ELFN2: variants seen among roughly 807,000 people sequenced by gnomAD.
The protein encoded by ELFN2 is protein phosphatase 1 regulatory subunit 29.
ELFN2 carries 17 observed loss-of-function variants against 45.5 expected under a neutral mutation model. The observed-to-expected ratio is 0.37, with a 90% CI of 0.26 to 0.56. The LOEUF is 0.56. Among genes scored for constraint, ELFN2 ranks in the 20% least tolerant of loss-of-function variants. The pLI, the probability that ELFN2 is intolerant of heterozygous loss-of-function variation, is 0.77. For synonymous variants in ELFN2, 550 were observed against 551.5 expected (o/e 1.00, Z 0.04); for missense variants, 922 against 1,183.2 (o/e 0.78, Z 3.24).
intron 2 of ELFN2, among the ~76,000 whole-genome samples, chr22:37,384,615 C>A (rs55867912): frequency 0.19 from 16,611 of 87,428 alleles, 2,646 homozygotes; most frequent in South Asian, 0.26. Flanking sequence ...CCTGCCTCCC[C>A]CACCTGACCC....
Position 37,375,090 on chromosome 22 carries a change from C to A in ELFN2, c.445G>T (p.Glu149Ter). The A allele has an allele frequency of 6.2e-7, 1 of 1,613,596 alleles. No homozygotes were observed. Among genetic ancestry groups the A allele is most frequent in the Non-Finnish European group, 8.5e-7 (1 of 1,179,996 alleles). ...IEVVTPTAFS[E>*]CPSLISIDLS... ...TCGATGCTGATGAGGCTCGGGCACT[C>A]GGAGAAGGCGGTGGGCGTCACCACC... Residue 149 changes from glutamate to a stop codon, truncating the protein, a stop_gained, in exon 3 of 3, where the codon GAG (glutamate) becomes TAG (stop). Coordinates refer to ENST00000402918, the MANE Select transcript of ELFN2 (RefSeq NM_052906.5). LOFTEE classifies it high-confidence loss of function.
At chr22:37,397,206 G>T (rs1235880810) in intron 2 of ELFN2, among the ~76,000 whole-genome samples, 1 of 152,140 alleles carries the variant, frequency 6.6e-6, no homozygotes, top group Non-Finnish European at 1.5e-5. Context: ...CCCACTGAAG[G>T]GTCACTGTGT....
At chr22:37,352,295 G>A (rs1314665550) in intron 1 of ELFN2, 1 of 151,022 alleles carries the variant, frequency 6.6e-6, no homozygotes, top group Non-Finnish European at 1.5e-5. Context: ...CCCAGAGGGT[G>A]GAGCCTGTGC....
rs140462497 is a variant in ELFN2, at chr22:37,400,585, G to A, written c.-463+17184C>T. Among the ~76,000 whole-genome samples the A allele has an allele frequency of 4.7e-4, 72 of 152,314 alleles. 1 individual carries two copies. The East Asian group carries it at 0.011, about 24-fold the overall frequency. The stretch of plus-strand genomic sequence containing the variant: ...AGATGGGAGCCTGAGGCCTGCAGGG[G>A]TGCCAGGACTCCCCAAGGCCCCCTC... On this transcript the variant is annotated intron_variant, in intron 2 of 2. Coordinates refer to ENST00000402918, the MANE Select transcript of ELFN2 (RefSeq NM_052906.5).
At chr22:37,360,978 G>A (rs575081244) in intron 1 of ELFN2, among the ~76,000 whole-genome samples, 1 of 152,256 alleles carries the variant, frequency 6.6e-6, no homozygotes, top group African/African-American at 2.4e-5. Flanking sequence ...AGCAGGGACT[G>A]AGCCACTCGA....
At chr22:37,399,848 T>C (rs1932319708) in intron 2 of ELFN2, among the ~76,000 whole-genome samples, 3 of 152,180 alleles carry the variant, frequency 2.0e-5, no homozygotes, top group South Asian at 2.1e-4. Context: ...CTCCCCGCCA[T>C]GGCCGCCTTG....
In ELFN2 at chr22:37,400,216, C is replaced by G. The variant is rs548363830; in HGVS notation, c.-463+17553G>C. 7.9e-5 allele frequency among the ~76,000 whole-genome samples: 12 copies of G among 152,306 alleles called. No homozygotes were observed. In the East Asian group the frequency reaches 2.1e-3, roughly 27 times the overall value. On this transcript the variant is annotated intron_variant, in intron 2 of 2. Transcript: ENST00000402918. ...CCACTCAGAGATGCTGACCCACCCC[C>G]TCGTGTCTACCCCCATCCCACCCCA...
rs1385972055 is a variant in ELFN2, at chr22:37,373,811, G to A, written c.1724C>T (p.Ala575Val). Residue 575 changes from alanine to valine, a missense_variant, in exon 3 of 3, where the codon GCC becomes GTC. Ala to Val is a moderately conservative substitution (Grantham distance 64). This residue lies in a region of ELFN2 where 564 missense variants were observed against 642.8 expected (regional missense o/e 0.88). Transcript: ENST00000402918. ...GGSSSGDPEL[A>V]FECQSLPAAA... is the part of the protein sequence containing the mutation. ...TGCAGGGAGGGACTGGCACTCGAAG[G>A]CCAGCTCGGGGTCCCCACTGCTGCT... 7 of 1,612,458 alleles carry A rather than the reference G, an allele frequency of 4.3e-6. No individual in the cohort carries two copies.
chr22:37,384,074 C>T (rs1931868215), intron 2 of ELFN2, among the ~76,000 whole-genome samples: 2 of 152,138 alleles, frequency 1.3e-5, no homozygotes, highest in Non-Finnish European at 2.9e-5. Context: ...ACCCGGTCCC[C>T]GTGCCTCCCC....
intron 1 of ELFN2, among the ~76,000 whole-genome samples, chr22:37,343,692 C>T (rs1192214556): frequency 6.7e-6 from 1 of 149,346 alleles, no homozygotes; most frequent in African/African-American, 2.5e-5. Context: ...CTGGCACCCA[C>T]CCCTTGGCTC....
In ELFN2 at chr22:37,372,584, G is replaced by A. The variant is rs1170119600; in HGVS notation, c.*488C>T. On this transcript the variant is annotated 3_prime_UTR_variant, in exon 3 of 3. Transcript: ENST00000402918. This position sits in a 1 kb window ranked among gnomAD's most constrained non-coding sequence, Gnocchi z 4.4. ...CCTCTCTAAAGTGGAAGGAGACATT[G>A]CCCGATGTCTAATGCTAAATCTGCA... The A allele has an allele frequency of 6.5e-6, 1 of 153,276 alleles. No homozygotes were observed. The allele number at this position is 153,276 out of a possible 1,614,324, so 9.5% of individuals were successfully genotyped here. A position where few individuals can be genotyped will look rare whatever the true frequency, so the allele number is the denominator to read the frequency against.
chr22:37,363,079 C>T (rs148868834), downstream of ELFN2, among the ~76,000 whole-genome samples: 201 of 152,318 alleles, frequency 1.3e-3, 1 homozygote, highest in African/African-American at 4.6e-3. Flanking sequence ...GGTGGCAGCT[C>T]CCTTGGTGGG....
chr22:37,426,403 G>A (rs1932850181), intron 1 of ELFN2, among the ~76,000 whole-genome samples: 1 of 151,466 alleles, frequency 6.6e-6, no homozygotes, highest in Admixed American at 6.6e-5. Context: ...AACATTCCGA[G>A]GAAATCCTGC....
chr22:37,385,815 G>T (rs899386913), intron 2 of ELFN2, among the ~76,000 whole-genome samples: 1 of 152,176 alleles, frequency 6.6e-6, no homozygotes, highest in Non-Finnish European at 1.5e-5. Flanking sequence ...TTAGTACCAG[G>T]ATACTAACAG....
chr22:37,386,768 G>C (rs757061169), intron 2 of ELFN2, among the ~76,000 whole-genome samples: 1 of 152,240 alleles, frequency 6.6e-6, no homozygotes, highest in Non-Finnish European at 1.5e-5. Context: ...GACAGCTGCT[G>C]TGGCCACCAA....
chr22:37,374,362 G>A lies in ELFN2; in HGVS notation c.1173C>T (p.Thr391=). ...DPVPGDLAPS[T]STTTHYIMTI... is the part of the protein sequence containing the mutation. Reference sequence around the variant, plus strand: ...TCATGATGTAGTGGGTGGTGGTGGAGGTGCTGGGCGCCAAGTCTCCGGGGA... The same window carrying A: ...TCATGATGTAGTGGGTGGTGGTGGAAGTGCTGGGCGCCAAGTCTCCGGGGA... Residue 391 remains threonine, a synonymous_variant, in exon 3 of 3, where the codon ACC becomes ACT. Coordinates refer to ENST00000402918, the MANE Select transcript of ELFN2 (RefSeq NM_052906.5). 6.2e-7 allele frequency: 1 copy of A among 1,614,038 alleles called. No homozygotes were observed. The highest frequency in any genetic ancestry group is 8.5e-7 in the Non-Finnish European group (1 of 1,179,974).
chr22:37,374,391 G>A lies in ELFN2; in HGVS notation c.1144C>T (p.Pro382Ser). ...HTCLTFTTRDPVPGDLAPSTS... is the reference protein window; with the variant it reads ...HTCLTFTTRDSVPGDLAPSTS... ...CTGGGCGCCAAGTCTCCGGGGACGGGGTCCCGCGTGGTGAAGGTCAGGCAG... is the reference window on the plus strand; with the variant it reads ...CTGGGCGCCAAGTCTCCGGGGACGGAGTCCCGCGTGGTGAAGGTCAGGCAG... Residue 382 changes from proline (P) to serine (S), a missense_variant, in exon 3 of 3, where the codon CCC becomes TCC. Physicochemically the swap from Pro to Ser is moderately conservative, Grantham distance 74. Around this residue, in one of 2 missense-constraint regions of ELFN2, gnomAD observed 564 missense variants for 642.8 expected, o/e 0.88. Transcript: ENST00000402918. The A allele has an allele frequency of 1.2e-6, 2 of 1,613,918 alleles. No homozygotes were observed. Among genetic ancestry groups the A allele is most frequent in the South Asian group, 1.1e-5 (1 of 91,074 alleles).
downstream of ELFN2, among the ~76,000 whole-genome samples, chr22:37,365,201 A>G (rs1308174336): frequency 1.5e-5 from 2 of 134,776 alleles, no homozygotes; most frequent in African/African-American, 5.4e-5. Flanking sequence ...AACCAGTGAG[A>G]TCCAGTGATC....
rs749036693 is a variant in ELFN2 at position 37,374,652 on chromosome 22, C to A, written c.883G>T (p.Ala295Ser). The A allele has an allele frequency of 3.7e-6, 6 of 1,613,156 alleles. No homozygotes were observed. Among genetic ancestry groups the A allele is most frequent in the Non-Finnish European group, 5.1e-6 (6 of 1,179,296 alleles). ...TGGTGCAGCTTGATGGCTGGCCCTGCCGACGCATCCGTGGTGGACGAGGCC... is the reference window on the plus strand; with the variant it reads ...TGGTGCAGCTTGATGGCTGGCCCTGACGACGCATCCGTGGTGGACGAGGCC... Reference protein sequence around the residue: ...PPASSTTDASAGPAIKLHHVT... With the variant: ...PPASSTTDASSGPAIKLHHVT... The change falls in exon 3 of 3, where the codon GCA (alanine) becomes TCA (serine). Residue 295 changes from alanine to serine, a missense_variant. Transcript: ENST00000402918.
Sources: gnomAD v4.1 joint callset for allele counts (sites outside exome capture counted in the v4.1 genomes callset) on GRCh38, gnomAD v4.1.1 for gene constraint, gnomAD v4.1.1 regional missense constraint, Gnocchi (gnomAD v3.1) non-coding constraint, MANE v1.5 for transcripts, NCBI Gene and HGNC (gene_info 2026-07-23, HGNC 2026-07-21) for gene names.